The following TTC27 variants were observed in gnomAD, a reference collection of about 807,000 sequenced individuals.
TTC27 encodes tetratricopeptide repeat protein 27.
TTC27 carries 79 observed loss-of-function variants against 115.9 expected under a neutral mutation model. The ratio of observed to expected loss-of-function variants is 0.68; its 90% confidence interval spans 0.57 to 0.82. The LOEUF is 0.82. Ranked by LOEUF, TTC27 falls within the 40% of genes least tolerant of loss-of-function variation. TTC27 has a pLI of 0.00. For synonymous variants in TTC27, 401 were observed against 356.0 expected (o/e 1.13, Z -1.42); for missense variants, 1,054 against 993.1 (o/e 1.06, Z -0.82).
At chr2:32,727,013 C>G (rs1435178506) in intron 10 of TTC27, among the ~76,000 whole-genome samples, 1 of 152,064 alleles carries the variant, frequency 6.6e-6, no homozygotes, top group African/African-American at 2.4e-5. Context: ...GAAAAACTTG[C>G]CCCCGTGATT....
At position 32,650,676 on chromosome 2, in the gene TTC27, C is replaced by G. The variant is rs1399287509; in HGVS notation, c.640+443C>G. The stretch of plus-strand genomic sequence containing the variant: ...AAAGAATAAGAAATTATCCTATATC[C>G]TATTGAGTACATCAAGAAAAGCGTA... On this transcript the variant is annotated intron_variant, in intron 5 of 19. Transcript: ENST00000317907. Among the ~76,000 whole-genome samples the G allele has an allele frequency of 2.0e-5, 3 of 151,974 alleles. 1 individual carries two copies. In the East Asian group the frequency reaches 5.8e-4, roughly 29 times the overall value.
At chr2:32,646,563 T>TTC (rs1553543712) in intron 4 of TTC27, among the ~76,000 whole-genome samples, 2 of 147,560 alleles carry the variant, frequency 1.4e-5, no homozygotes, top group Non-Finnish European at 3.0e-5. Flanking sequence ...TTTGGTTTTT[T>TTC]TTTTTTTTTT....
chr2:32,806,918 AAATT>A (rs1671151180), intron 16 of TTC27, among the ~76,000 whole-genome samples: 1 of 152,214 alleles, frequency 6.6e-6, no homozygotes, highest in Admixed American at 6.5e-5. Context: ...GAATAATTTT[AAATT>A]AATTTTTATT....
chr2:32,647,284 T>G (rs918782313), intron 4 of TTC27, among the ~76,000 whole-genome samples: 1 of 152,162 alleles, frequency 6.6e-6, no homozygotes, highest in Non-Finnish European at 1.5e-5. Flanking sequence ...TTTGACTGGA[T>G]GTATCTAAAT....
intron 16 of TTC27, among the ~76,000 whole-genome samples, chr2:32,807,928 CTTT>C (rs70938367): frequency 3.6e-5 from 4 of 109,682 alleles, no homozygotes; most frequent in Non-Finnish European, 5.4e-5. Context: ...TACTTGCCCT[CTTT>C]TTTTTTTTTT....
chr2:32,732,826 A>C lies in TTC27; in HGVS notation c.1234-1002A>C, dbSNP rs1668334129. On this transcript the variant is annotated intron_variant, in intron 10 of 19. Transcript: ENST00000317907. ...TAACATTGACTTTTCACTACCGTCT[A>C]ATCCTCATAAGAGAGGCCTGTGAAA... Among the ~76,000 whole-genome samples, 3 of 152,176 alleles carry C rather than the reference A, an allele frequency of 2.0e-5. No homozygotes were observed. The South Asian group carries it at 6.2e-4, about 31-fold the overall frequency.
intron 12 of TTC27, among the ~76,000 whole-genome samples, chr2:32,755,592 A>G (rs1558326964): frequency 6.6e-6 from 1 of 150,890 alleles, no homozygotes. Context: ...GGAGAGGGAG[A>G]CGGTGGAAAG....
At chr2:32,665,579 A>T (rs1270552268) in intron 6 of TTC27, among the ~76,000 whole-genome samples, 1 of 151,920 alleles carries the variant, frequency 6.6e-6, no homozygotes, top group Admixed American at 6.6e-5. Flanking sequence ...CTTTTTTTCC[A>T]CTCATCTATA....
intron 12 of TTC27, 58 bp from the exon 13 acceptor site, chr2:32,758,232 TAA>T (rs71407470): frequency 2.1e-4 from 246 of 1,196,830 alleles, no homozygotes; most frequent in African/African-American, 3.6e-4. Context: ...GTATATGTGC[TAA>T]AAAAAAAAAT....
intron 7 of TTC27, among the ~76,000 whole-genome samples, chr2:32,670,942 G>T (rs1559198292): frequency 9.6e-6 from 1 of 104,676 alleles, no homozygotes; most frequent in Non-Finnish European, 2.6e-5. Flanking sequence ...TTTAATTTGA[G>T]TTGTTTGTCT....
chr2:32,741,406 G>T (rs1197861480), intron 12 of TTC27, among the ~76,000 whole-genome samples: 1 of 152,034 alleles, frequency 6.6e-6, no homozygotes, highest in Non-Finnish European at 1.5e-5. Context: ...CACATTGGTA[G>T]GCTGAGGCGG....
chr2:32,785,688 CG>C (rs1457159069), intron 15 of TTC27, among the ~76,000 whole-genome samples: 5 of 152,086 alleles, frequency 3.3e-5, no homozygotes, highest in African/African-American at 1.2e-4. Context: ...CTCCACCTCC[CG>C]GGTTCAAGCG....
At chr2:32,813,195 TTTTATA>T (rs150489034) in intron 18 of TTC27, among the ~76,000 whole-genome samples, 3,003 of 152,292 alleles carry the variant, frequency 0.02, 38 homozygotes, top group Non-Finnish European at 0.032. Flanking sequence ...GGTAATGCAT[TTTTATA>T]TTTATATTTG....
chr2:32,731,801 C>T (rs1321383379), intron 10 of TTC27, among the ~76,000 whole-genome samples: 1 of 151,980 alleles, frequency 6.6e-6, no homozygotes, highest in East Asian at 1.9e-4. Flanking sequence ...TGGAGAGTAT[C>T]CGAGAGTTGT....
At chr2:32,773,447 G>A (rs1449241851) in intron 13 of TTC27, among the ~76,000 whole-genome samples, 1 of 152,226 alleles carries the variant, frequency 6.6e-6, no homozygotes, top group Non-Finnish European at 1.5e-5. Context: ...CCCAGCACAT[G>A]TTAACTGCCC....
chr2:32,785,618 C>T (rs1234431768), intron 15 of TTC27, among the ~76,000 whole-genome samples: 1 of 152,146 alleles, frequency 6.6e-6, no homozygotes, highest in Non-Finnish European at 1.5e-5. Flanking sequence ...TTTTTTGAGA[C>T]AGAGTCTCGC....
intron 3 of TTC27, among the ~76,000 whole-genome samples, chr2:32,636,161 C>T (rs1027240395): frequency 6.6e-6 from 1 of 152,132 alleles, no homozygotes; most frequent in Admixed American, 6.6e-5. Flanking sequence ...ACAGCCAAAG[C>T]CATAAATATC....
chr2:32,818,229 GA>G (rs557972823), intron 19 of TTC27, among the ~76,000 whole-genome samples: 3 of 152,058 alleles, frequency 2.0e-5, no homozygotes, highest in East Asian at 3.9e-4. Context: ...GTACATATTA[GA>G]AAAAAAGCAG....
intron 13 of TTC27, among the ~76,000 whole-genome samples, chr2:32,763,392 T>C (rs1669513319): frequency 6.6e-6 from 1 of 152,224 alleles, no homozygotes; most frequent in African/African-American, 2.4e-5. Flanking sequence ...ATCCTCTTTT[T>C]TAGACATATC....
Sources: gnomAD v4.1 joint callset for allele counts (sites outside exome capture counted in the v4.1 genomes callset) on GRCh38, gnomAD v4.1.1 for gene constraint, MANE v1.5 for transcripts, NCBI Gene and HGNC (gene_info 2026-07-23, HGNC 2026-07-21) for gene names.